The following PLAAT4 variants were observed in gnomAD, a reference collection of about 807,000 sequenced individuals.
PLAAT4 encodes the protein HRAS-like suppressor 4.
PLAAT4 carries 12 observed loss-of-function variants against 14.1 expected under a neutral mutation model. That is an observed-to-expected ratio of 0.85 (90% confidence interval 0.54 to 1.37). The LOEUF is 1.37. Ranked by LOEUF, PLAAT4 falls within the 40% of genes most tolerant of loss-of-function variation. The pLI is 0.00. For synonymous variants in PLAAT4, 77 were observed against 79.8 expected, an observed-to-expected ratio of 0.96 and a Z score of 0.19; for missense variants, 163 against 211.7, an observed-to-expected ratio of 0.77 and a Z score of 1.43.
At chr11:63,542,413 C>T (rs932354032) in intron 2 of PLAAT4, among the ~76,000 whole-genome samples, 21 of 152,222 alleles carry the variant, frequency 1.4e-4, no homozygotes, top group African/African-American at 4.3e-4. Context: ...TGCTTCCACA[C>T]ATAGGACACA....
intron 1 of PLAAT4, chr11:63,538,448 AAGG>A (rs1331771316): frequency 8.8e-6 from 3 of 342,326 alleles, no homozygotes; most frequent in Non-Finnish European, 1.8e-5. Context: ...GCACACCAAC[AAGG>A]AGAAGCTTCC....
chr11:63,543,462 C>T (rs773969363), intron 2 of PLAAT4, among the ~76,000 whole-genome samples: 15 of 152,202 alleles, frequency 9.9e-5, no homozygotes, highest in African/African-American at 2.7e-4. Flanking sequence ...TGTGCCACCA[C>T]GCGCAGCTAA....
chr11:63,538,762 G>A (rs1395377300), intron 1 of PLAAT4, among the ~76,000 whole-genome samples: 1 of 152,156 alleles, frequency 6.6e-6, no homozygotes, highest in East Asian at 1.9e-4. Context: ...CCAGCTGAGT[G>A]TTCTCAGGAA....
At chr11:63,540,577 G>A (rs538330695) in intron 2 of PLAAT4, among the ~76,000 whole-genome samples, 46 of 152,338 alleles carry the variant, frequency 3.0e-4, no homozygotes, top group African/African-American at 9.4e-4. Flanking sequence ...TATAATCCCA[G>A]CACTTTGGGA....
chr11:63,542,617 C>A (rs1282861216), intron 2 of PLAAT4, among the ~76,000 whole-genome samples: 1 of 152,156 alleles, frequency 6.6e-6, no homozygotes, highest in East Asian at 1.9e-4. Context: ...TGGCTTCCGT[C>A]TTTGGTGTTT....
Position 63,544,603 on chromosome 11 carries a change from G to A in PLAAT4, c.119-18G>A. The A allele has an allele frequency of 6.2e-7, 1 of 1,603,454 alleles. No individual in the cohort carries two copies. The highest frequency in any genetic ancestry group is 8.5e-7 in the Non-Finnish European group (1 of 1,171,740). Reference sequence around the variant, plus strand: ...CTACTTCACCTTCCCCTGCCAGTGAGAGTGCCTCTGATTGCAGGTGAGTAC... The same window carrying A: ...CTACTTCACCTTCCCCTGCCAGTGAAAGTGCCTCTGATTGCAGGTGAGTAC... On this transcript the variant is annotated intron_variant, in intron 2 of 3. Transcript: ENST00000255688.
At chr11:63,544,184 C>A (rs557121599) in intron 2 of PLAAT4, among the ~76,000 whole-genome samples, 1 of 152,192 alleles carries the variant, frequency 6.6e-6, no homozygotes, top group Admixed American at 6.5e-5. Flanking sequence ...TTTTCCAATA[C>A]CTAAATGACG....
intron 1 of PLAAT4, 26 bp from the exon 2 acceptor site, chr11:63,539,490 C>A: frequency 6.3e-7 from 1 of 1,593,070 alleles, no homozygotes; most frequent in Non-Finnish European, 8.6e-7. Flanking sequence ...AGGCCGGGTA[C>A]TCCATCTCTG....
chr11:63,542,410 A>G (rs1309195449), intron 2 of PLAAT4, among the ~76,000 whole-genome samples: 1 of 152,198 alleles, frequency 6.6e-6, no homozygotes, highest in Non-Finnish European at 1.5e-5. Context: ...CCCTGCTTCC[A>G]CACATAGGAC....
chr11:63,539,386 A>C, intron 1 of PLAAT4, 130 bp from the exon 2 acceptor site: 1 of 746,028 alleles, frequency 1.3e-6, no homozygotes, highest in Non-Finnish European at 2.4e-6. Flanking sequence ...AGCAGGGCTG[A>C]GGATCTCATG....
chr11:63,544,749 G>A lies in PLAAT4; in HGVS notation c.247G>A (p.Glu83Lys), dbSNP rs1376483685. 4.3e-6 allele frequency: 7 copies of A among 1,614,212 alleles called. No individual in the cohort carries two copies. The highest frequency in any genetic ancestry group is 4.2e-6 in the Non-Finnish European group (5 of 1,180,038). ...TCGGGTCAACAACAGCTTGGACCATGAGTACCAACCACGGCCCGTGGAGGT... is the reference window on the plus strand; with the variant it reads ...TCGGGTCAACAACAGCTTGGACCATAAGTACCAACCACGGCCCGTGGAGGT... ...CYRVNNSLDH[E>K]YQPRPVEVII... The change falls in exon 3 of 4, where the codon GAG becomes AAG. Residue 83 changes from glutamate to lysine, a missense_variant. Glu to Lys is a moderately conservative substitution (Grantham distance 56, BLOSUM62 1). Transcript: ENST00000255688.
In PLAAT4 at chr11:63,546,300, A is replaced by T; in HGVS notation, c.*44A>T. 6.4e-7 allele frequency: 1 copy of T among 1,564,656 alleles called. No individual in the cohort carries two copies. The highest frequency in any genetic ancestry group is 8.8e-7 in the Non-Finnish European group (1 of 1,135,204). On this transcript the variant is annotated 3_prime_UTR_variant, in exon 4 of 4. Transcript: ENST00000255688. ...TGTTAGAAGCAGCTGTGGGGGTCCC[A>T]GTGGAGATGAGCCTCCCCCATGCCT...
intron 3 of PLAAT4, among the ~76,000 whole-genome samples, chr11:63,545,772 T>C (rs1163500971): frequency 1.3e-5 from 2 of 151,576 alleles, no homozygotes; most frequent in Admixed American, 6.6e-5. Context: ...GACTGCAAAA[T>C]AGTCCCCAGT....
intron 1 of PLAAT4, 41 bp downstream of exon 1, chr11:63,536,918 T>C: frequency 1.9e-6 from 3 of 1,601,930 alleles, no homozygotes; most frequent in Non-Finnish European, 2.6e-6. Context: ...TCTACAGCAG[T>C]TGGGCAGCTC....
At chr11:63,543,784 CTG>C (rs1394480719) in intron 2 of PLAAT4, among the ~76,000 whole-genome samples, 2 of 152,228 alleles carry the variant, frequency 1.3e-5, no homozygotes, top group African/African-American at 4.8e-5. Flanking sequence ...GACAGCTCTT[CTG>C]TGTTCCTCTC....
intron 1 of PLAAT4, chr11:63,538,251 G>T (rs554450729): frequency 9.4e-5 from 26 of 275,954 alleles, no homozygotes; most frequent in Non-Finnish European, 1.8e-4. Context: ...CCCACAGGGT[G>T]TGTCCTGGGC....
intron 2 of PLAAT4, among the ~76,000 whole-genome samples, chr11:63,540,287 C>T (rs1169751757): frequency 1.3e-5 from 2 of 152,320 alleles, no homozygotes; most frequent in African/African-American, 4.8e-5. Flanking sequence ...AATGTTTCTC[C>T]GTGCCAGATC....
At chr11:63,545,084 A>C in intron 3 of PLAAT4, 195 bp downstream of exon 3, 1 of 722,762 alleles carries the variant, frequency 1.4e-6, no homozygotes, top group East Asian at 2.7e-5. Flanking sequence ...CCTTCCCCCC[A>C]GGCCTCTCCA....
Position 63,544,607 on chromosome 11 carries a change from G to A in PLAAT4, c.119-14G>A, listed in dbSNP as rs2017347078. On this transcript the variant is annotated splice_polypyrimidine_tract_variant and intron_variant, in intron 2 of 3. Transcript: ENST00000255688. ...TTCACCTTCCCCTGCCAGTGAGAGT[G>A]CCTCTGATTGCAGGTGAGTACCCCG... The A allele has an allele frequency of 1.2e-6, 2 of 1,604,798 alleles. No homozygotes were observed. The highest frequency in any genetic ancestry group is 8.5e-7 in the Non-Finnish European group (1 of 1,172,710).
Sources: allele counts gnomAD v4.1 joint callset (sites outside exome capture counted in the v4.1 genomes callset), GRCh38; gene constraint gnomAD v4.1.1; transcripts MANE v1.5; gene names NCBI Gene and HGNC (gene_info 2026-07-23, HGNC 2026-07-21).